EFNA1: variants seen among roughly 807,000 people sequenced by gnomAD.
The protein encoded by EFNA1 is ephrin-A1.
Under a neutral mutation model 23.2 loss-of-function variants are expected in EFNA1, and 8 were observed. The ratio of observed to expected loss-of-function variants is 0.34; its 90% CI spans 0.20 to 0.62. The LOEUF (loss-of-function observed/expected upper bound fraction) is 0.62, where lower values mean the gene tolerates loss of function less well. Among genes scored for constraint, EFNA1 ranks in the 20% least tolerant of loss-of-function variants. EFNA1 has a pLI of 0.75. For synonymous variants in EFNA1, 89 were observed against 98.6 expected, an observed-to-expected ratio of 0.90 and a Z score of 0.58; for missense variants, 217 against 260.0, an observed-to-expected ratio of 0.83 and a Z score of 1.14.
Position 155,134,166 on chromosome 1 carries a change from G to A in EFNA1, c.*99G>A. ...GCCACTTTCAGAGCCCCCAGCCCTG[G>A]GAACCACTCCCACCACAGGCATAAG... On this transcript the variant is annotated 3_prime_UTR_variant, in exon 5 of 5. Transcript: ENST00000368407. 2.6e-6 allele frequency: 3 copies of A among 1,168,854 alleles called. No individual in the cohort carries two copies. The South Asian group carries it at 4.0e-5, about 15-fold the overall frequency. The allele number at this position is 1,168,854 out of a possible 1,614,324, so 72.4% of individuals were successfully genotyped here. A position where few individuals can be genotyped will look rare whatever the true frequency, so the allele number is the denominator to read the frequency against.
chr1:155,129,372 G>C (rs1488254560), intron 1 of EFNA1, among the ~76,000 whole-genome samples: 1 of 152,092 alleles, frequency 6.6e-6, no homozygotes, highest in Non-Finnish European at 1.5e-5. Context: ...TCTCTTTCAG[G>C]AAGGAGCCTC....
At chr1:155,133,306 T>C (rs1397630721) in intron 2 of EFNA1, among the ~76,000 whole-genome samples, 197 bp from the exon 3 acceptor site, 2 of 152,146 alleles carry the variant, frequency 1.3e-5, no homozygotes, top group Non-Finnish European at 2.9e-5. Flanking sequence ...TGCTGAGGGT[T>C]ATTTCCAAAG....
At chr1:155,132,687 G>A (rs1331549954) in intron 2 of EFNA1, among the ~76,000 whole-genome samples, 3 of 151,536 alleles carry the variant, frequency 2.0e-5, no homozygotes, top group Admixed American at 6.6e-5. Context: ...AAAATTAGCC[G>A]AGTGTGGTGG....
intron 1 of EFNA1, 89 bp downstream of exon 1, chr1:155,128,158 C>T: frequency 8.3e-7 from 1 of 1,211,232 alleles, no homozygotes; most frequent in Non-Finnish European, 1.2e-6. Flanking sequence ...CTGAGCTGAG[C>T]CTAGAGTAGA....
intron 1 of EFNA1, among the ~76,000 whole-genome samples, chr1:155,130,314 C>T (rs909821787): frequency 6.6e-6 from 1 of 152,106 alleles, no homozygotes; most frequent in East Asian, 1.9e-4. Flanking sequence ...CTTGCGGGGT[C>T]GGGGGAAGCA....
chr1:155,134,063 C>T lies in EFNA1; in HGVS notation c.614C>T (p.Pro205Leu), dbSNP rs746384002. 3.1e-6 allele frequency: 5 copies of T among 1,613,774 alleles called. No individual in the cohort carries two copies. Among genetic ancestry groups the T allele is most frequent in the Admixed American group, 3.3e-5 (2 of 59,948 alleles). ...CTTCCACTTCTGCTGCTGCAAACCC[C>T]GTGAAGGTGTATGCCACACCTGGCC... ...LLLPLLLLQTP is the reference protein window; with the variant it reads ...LLLPLLLLQTL The change falls in exon 5 of 5, where the codon CCG becomes CTG. Residue 205 changes from proline (P) to leucine (L), a missense_variant. By Grantham distance (98) the Pro-to-Leu change is moderately conservative. Transcript: ENST00000368407.
At chr1:155,131,230 CT>C (rs1664233539) in intron 1 of EFNA1, 108 bp from the exon 2 acceptor site, 2 of 1,441,684 alleles carry the variant, frequency 1.4e-6, no homozygotes, top group Non-Finnish European at 1.9e-6. Flanking sequence ...GGAAAAATCT[CT>C]TGGGGTCCAG....
At chr1:155,133,863 CAGGCTG>C in intron 4 of EFNA1, 83 bp downstream of exon 4, 8 of 1,604,726 alleles carry the variant, frequency 5.0e-6, no homozygotes, top group Non-Finnish European at 6.8e-6. Flanking sequence ...GCTCCTTTAC[CAGGCTG>C]AGGCTGAGGG....
At chr1:155,129,535 ACACACACACACACGCACACCCT>A (rs1278157922) in intron 1 of EFNA1, 11 of 149,810 alleles carry the variant, frequency 7.3e-5, no homozygotes, top group South Asian at 2.1e-4. Flanking sequence ...ACACACACAC[ACACACACACACACGCACACCCT>A]ATCATACCCA....
At chr1:155,131,985 G>T (rs1030462779) in intron 2 of EFNA1, among the ~76,000 whole-genome samples, 1 of 152,048 alleles carries the variant, frequency 6.6e-6, no homozygotes, top group Non-Finnish European at 1.5e-5. Context: ...CTCAGAGAAG[G>T]CTCAGTGGGG....
chr1:155,128,103 T>C (rs755358640), intron 1 of EFNA1, 34 bp downstream of exon 1: 148 of 1,590,722 alleles, frequency 9.3e-5, no homozygotes, highest in Admixed American at 9.2e-4. Flanking sequence ...CAGCCTGGGC[T>C]CCCGGCTGGC....
chr1:155,133,448 T>C, intron 2 of EFNA1, 55 bp from the exon 3 acceptor site: 2 of 1,600,850 alleles, frequency 1.2e-6, no homozygotes, highest in Non-Finnish European at 8.6e-7. Flanking sequence ...CATTTGGACT[T>C]ACATTTTCTT....
At chr1:155,128,571 G>A (rs1413906567) in intron 1 of EFNA1, among the ~76,000 whole-genome samples, 1 of 152,208 alleles carries the variant, frequency 6.6e-6, no homozygotes, top group Non-Finnish European at 1.5e-5. Flanking sequence ...CATTCACCCT[G>A]TATTTAAAGC....
chr1:155,130,773 A>G (rs1664224393), intron 1 of EFNA1: 1 of 984,724 alleles, frequency 1.0e-6, no homozygotes, highest in Non-Finnish European at 1.2e-6. Context: ...CTTTTGAGGA[A>G]AAGTGAAGCT....
chr1:155,128,219 C>G, intron 1 of EFNA1, 150 bp downstream of exon 1: 1 of 688,474 alleles, frequency 1.5e-6, no homozygotes. Flanking sequence ...ACTTCTCCGT[C>G]ATATCTGGGA....
intron 1 of EFNA1, chr1:155,130,007 C>T (rs530920779): frequency 6.6e-6 from 1 of 152,410 alleles, no homozygotes; most frequent in East Asian, 1.9e-4. Flanking sequence ...TCTGAAATGG[C>T]TTCTATGTTT....
In EFNA1 at chr1:155,131,265, A is replaced by G. The variant is rs1371652763; in HGVS notation, c.93-74A>G. On this transcript the variant is annotated intron_variant, in intron 1 of 4. Transcript: ENST00000368407. ...AGTGTGAAATGTGAGAGGTCATGTA[A>G]ACATTCAGAGGCCCAAGGATCTGGC... is the stretch of plus-strand genomic sequence containing the variant. 1.2e-5 allele frequency: 18 copies of G among 1,527,246 alleles called. No homozygotes were observed. The South Asian group carries it at 2.2e-4, about 19-fold the overall frequency. 94.6% of individuals were successfully genotyped at this position (1,527,246 alleles called of 1,614,324 possible). A position where few individuals can be genotyped will look rare whatever the true frequency, so the allele number is the denominator to read the frequency against.
In EFNA1 at chr1:155,128,056, A is replaced by G. The variant is rs369005847; in HGVS notation, c.79A>G (p.Ser27Gly). 6.2e-7 allele frequency: 1 copy of G among 1,613,736 alleles called. No individual in the cohort carries two copies. The highest frequency in any genetic ancestry group is 1.3e-5 in the African/African-American group (1 of 75,022). The change falls in exon 1 of 5, where the codon AGT becomes GGT. Residue 27 changes from serine (S) to glycine (G), a missense_variant. Ser to Gly is a moderately conservative substitution (Grantham distance 56). Transcript: ENST00000368407. ...AADRHTVFWNSSNPKFRNEDY... is the reference protein window; with the variant it reads ...AADRHTVFWNGSNPKFRNEDY... ...TGATCGCCACACCGTCTTCTGGAAC[A>G]GTTCAAATCCCAAGTAAGCCTCGAG... is the stretch of plus-strand genomic sequence containing the variant.
intron 1 of EFNA1, among the ~76,000 whole-genome samples, chr1:155,128,604 G>A (rs1195936275): frequency 9.2e-5 from 14 of 152,352 alleles, no homozygotes; most frequent in African/African-American, 3.4e-4. Context: ...TCCCTCACTA[G>A]GGGTCTTTTG....
Sources: allele counts gnomAD v4.1 joint callset (sites outside exome capture counted in the v4.1 genomes callset), GRCh38; gene constraint gnomAD v4.1.1; transcripts MANE v1.5; gene names NCBI Gene and HGNC (gene_info 2026-07-23, HGNC 2026-07-21).